The following HOOK2 variants were observed in gnomAD, a reference collection of about 807,000 sequenced individuals.
HOOK2 encodes the protein hook microtubule tethering protein 2.
In HOOK2, 108 loss-of-function variants were observed where a neutral mutation model predicts 111.9. The ratio of observed to expected loss-of-function variants is 0.96; its 90% CI spans 0.83 to 1.13. The LOEUF (loss-of-function observed/expected upper bound fraction) is 1.13. Ranked by LOEUF, HOOK2 falls within the 50% of genes most tolerant of loss-of-function variation. HOOK2 has a pLI of 0.00. For synonymous variants in HOOK2, 405 were observed against 394.3 expected (o/e 1.03, Z -0.32); for missense variants, 978 against 951.3 (o/e 1.03, Z -0.37).
chr19:12,771,404 T>G lies in HOOK2; in HGVS notation c.593A>C (p.Glu198Ala). Residue 198 changes from glutamate (E) to alanine (A), a missense_variant, in exon 8 of 23, where the codon GAG becomes GCG. Physicochemically the swap from Glu to Ala is moderately radical, Grantham distance 107 (BLOSUM62 -1). This residue lies in a region of HOOK2 where 301 missense variants were observed against 286.1 expected (regional missense o/e 1.05). Transcript: ENST00000397668. ...CCCCACCTAGGGCCCTACCTGCCGC[T>G]CCAGATCCAGACAGCGCTGCTGTAA... ...DELQQRCLDL[E>A]RQLMLLSEEK... 6.2e-7 allele frequency: 1 copy of G among 1,613,556 alleles called. No individual in the cohort carries two copies. The highest frequency in any genetic ancestry group is 8.5e-7 in the Non-Finnish European group (1 of 1,179,804).
upstream of HOOK2, among the ~76,000 whole-genome samples, chr19:12,779,053 C>T (rs1305045321): frequency 1.3e-5 from 2 of 152,178 alleles, no homozygotes; most frequent in African/African-American, 2.4e-5. Context: ...GTAAAGAGAG[C>T]CCCCAACGTT....
In HOOK2 at chr19:12,767,473, T is replaced by C. The variant is rs1421422760; in HGVS notation, c.1304-9A>G. The C allele has an allele frequency of 1.2e-6, 2 of 1,613,216 alleles. No homozygotes were observed. Among genetic ancestry groups the C allele is most frequent in the Admixed American group, 3.3e-5 (2 of 60,002 alleles). ...GGGATCCAGTGAGGGATCTGAAGAA[T>C]GCGAGAAAAGTCTTCAGGTCTCTTC... On this transcript the variant is annotated splice_polypyrimidine_tract_variant and intron_variant, in intron 13 of 22. Coordinates refer to ENST00000397668, the MANE Select transcript of HOOK2 (RefSeq NM_013312.3).
upstream of HOOK2, among the ~76,000 whole-genome samples, chr19:12,781,547 C>T (rs981934740): frequency 3.3e-5 from 5 of 151,886 alleles, no homozygotes; most frequent in African/African-American, 9.7e-5. Context: ...AGGATGGTCT[C>T]GATCTCCAGA....
At chr19:12,777,648 C>A (rs141464846), upstream of HOOK2, among the ~76,000 whole-genome samples, 12 of 152,256 alleles carry the variant, frequency 7.9e-5, no homozygotes, top group Non-Finnish European at 1.8e-4. Context: ...ATATTCCCCC[C>A]GCGCCTTGCC....
chr19:12,778,796 C>T (rs1190169899), upstream of HOOK2, among the ~76,000 whole-genome samples: 1 of 152,130 alleles, frequency 6.6e-6, no homozygotes, highest in Non-Finnish European at 1.5e-5. Context: ...CCAGGAGTCC[C>T]CAGACTTAAG....
chr19:12,780,104 C>T (rs186179585), upstream of HOOK2, among the ~76,000 whole-genome samples: 1 of 152,194 alleles, frequency 6.6e-6, no homozygotes, highest in East Asian at 1.9e-4. Flanking sequence ...GAGCCGAGAA[C>T]GCGCCATTAC....
rs552005344 is a variant in HOOK2, at chr19:12,784,084, C to T, written n.42-9859G>A. 3.5e-3 allele frequency among the ~76,000 whole-genome samples: 530 copies of T among 152,194 alleles called. 4 individuals carry two copies. The highest frequency in any genetic ancestry group is 0.01 in the Middle Eastern group (3 of 294). ...CCCGCGGGTGGCCCGAGGGAGGGGA[C>T]GTCGGATGGAGACTGTGTCTCGGGA... On this transcript the variant is annotated intron_variant and non_coding_transcript_variant, in intron 3 of 3. Coordinates refer to the HOOK2 transcript ENST00000589765.
At chr19:12,789,202 A>C (rs538410628) in intron 3 of HOOK2, among the ~76,000 whole-genome samples, 16 of 120,728 alleles carry the variant, frequency 1.3e-4, no homozygotes, top group Non-Finnish European at 1.4e-4. Flanking sequence ...ACAAAGAGAG[A>C]GAGAGAGAGA....
chr19:12,780,654 C>CTT (rs1203010571), upstream of HOOK2, among the ~76,000 whole-genome samples: 13 of 32,092 alleles, frequency 4.1e-4, no homozygotes, highest in African/African-American at 1.0e-3. Flanking sequence ...CGCGCCCGGC[C>CTT]TTTTTTTTTT....
chr19:12,771,881 CA>C (rs60718260), intron 7 of HOOK2: 16,795 of 114,616 alleles, frequency 0.15, 64 homozygotes, highest in South Asian at 0.2. Flanking sequence ...GACTCCATCT[CA>C]AAAAAAAAAA....
intron 14 of HOOK2, chr19:12,766,498 G>C (rs1968152896): frequency 2.2e-6 from 1 of 451,866 alleles, no homozygotes; most frequent in Non-Finnish European, 3.9e-6. Flanking sequence ...GCTGGGATGG[G>C]ACTGCTGGAA....
intron 3 of HOOK2, among the ~76,000 whole-genome samples, chr19:12,773,536 T>C (rs1364171009): frequency 6.6e-6 from 1 of 152,044 alleles, no homozygotes; most frequent in Non-Finnish European, 1.5e-5. Context: ...CATGAGCCAC[T>C]GTGCCCGGCC....
At chr19:12,768,625 A>T (rs972191817) in intron 11 of HOOK2, among the ~76,000 whole-genome samples, 41 of 151,764 alleles carry the variant, frequency 2.7e-4, no homozygotes, top group Admixed American at 5.3e-4. Flanking sequence ...TTTCTTTTTT[A>T]AAAAAAATTT....
At position 12,763,146 on chromosome 19, in the gene HOOK2, C is replaced by CAAA; in HGVS notation, c.*135_*136insTTT. The CAAA allele has an allele frequency of 2.5e-6, 2 of 799,736 alleles. No individual in the cohort carries two copies. Among genetic ancestry groups the CAAA allele is most frequent in the Non-Finnish European group, 3.9e-6 (2 of 507,576 alleles). 49.5% of individuals were successfully genotyped at this position (799,736 alleles called of 1,614,324 possible). ...TCTACCTCCCGCCCTCCCTCCCCACCAATCTGGGAGAGGGAAGAGCAGAGA... is the reference window on the plus strand; with the variant it reads ...TCTACCTCCCGCCCTCCCTCCCCACCAAAAATCTGGGAGAGGGAAGAGCAGAGA... On this transcript the variant is annotated 3_prime_UTR_variant, in exon 23 of 23. Coordinates refer to ENST00000397668, the MANE Select transcript of HOOK2 (RefSeq NM_013312.3).
chr19:12,778,781 G>A (rs1968567566), upstream of HOOK2, among the ~76,000 whole-genome samples: 1 of 152,188 alleles, frequency 6.6e-6, no homozygotes, highest in South Asian at 2.1e-4. Flanking sequence ...CAGATGTTCG[G>A]GGAGCCAGGA....
At chr19:12,792,177 G>C in intron 3 of HOOK2, 1 of 1,587,560 alleles carries the variant, frequency 6.3e-7, no homozygotes, top group Non-Finnish European at 8.6e-7. Flanking sequence ...GGAGGGCTTC[G>C]CCGACGGCTT....
chr19:12,773,194 C>A, intron 3 of HOOK2, 150 bp from the exon 4 acceptor site: 3 of 579,530 alleles, frequency 5.2e-6, no homozygotes, highest in Non-Finnish European at 3.0e-6. Context: ...ACCTGTCTGG[C>A]TGTCTGCCCC....
chr19:12,788,295 A>G (rs1968674951), intron 3 of HOOK2, among the ~76,000 whole-genome samples: 1 of 152,220 alleles, frequency 6.6e-6, no homozygotes, highest in South Asian at 2.1e-4. Context: ...TGGGGATACA[A>G]ATAACATGCA....
Position 12,766,285 on chromosome 19 carries a change from C to T in HOOK2, c.1374-45G>A, listed in dbSNP as rs766339885. On this transcript the variant is annotated intron_variant, in intron 14 of 22. Transcript: ENST00000397668. ...GAGCAGGGCCAGGGTCGAGTCACCTCGCAGGCTCGCTGGGGCTCAGGGAGA... is the reference window on the plus strand; with the variant it reads ...GAGCAGGGCCAGGGTCGAGTCACCTTGCAGGCTCGCTGGGGCTCAGGGAGA... The T allele has an allele frequency of 5.4e-6, 8 of 1,488,218 alleles. No homozygotes were observed. In the African/African-American group the frequency reaches 8.3e-5, roughly 15 times the overall value. 92.2% of individuals were successfully genotyped at this position (1,488,218 alleles called of 1,614,324 possible). A position where few individuals can be genotyped will look rare whatever the true frequency, so the allele number is the denominator to read the frequency against.
Sources: allele counts gnomAD v4.1 joint callset (sites outside exome capture counted in the v4.1 genomes callset), GRCh38; gene constraint gnomAD v4.1.1; regional missense constraint gnomAD v4.1.1; transcripts MANE v1.5; gene names NCBI Gene and HGNC (gene_info 2026-07-23, HGNC 2026-07-21).